RIMBP2: variants seen among roughly 807,000 people sequenced by gnomAD.
The protein encoded by RIMBP2 is RIMS-binding protein 2.
A neutral mutation model predicts 118.6 loss-of-function variants in RIMBP2; 48 were observed. The observed-to-expected ratio is 0.40, with a 90% CI of 0.32 to 0.51. The LOEUF is 0.51. Ranked by LOEUF, RIMBP2 falls within the 20% of genes least tolerant of loss-of-function variation. The pLI is 0.41. For missense variants in RIMBP2, 1,551 were observed against 1,768.3 expected, an observed-to-expected ratio of 0.88 and a Z score of 2.20; for synonymous variants, 762 against 742.9, an observed-to-expected ratio of 1.03 and a Z score of -0.42.
At position 130,428,213 on chromosome 12, in the gene RIMBP2, C is replaced by G; in HGVS notation, c.2378G>C (p.Arg793Thr). Reference protein sequence around the residue: ...SEMQLEDGGRRRPSGTSHNAL... With the variant: ...SEMQLEDGGRTRPSGTSHNAL... ...ATTGTGGGACGTGCCGCTGGGCCGC[C>G]TCCTTCCCCCATCTTCCAGCTGCAT... The change falls in exon 15 of 23, where the codon AGG (arginine) becomes ACG (threonine). Residue 793 changes from arginine (R) to threonine (T), a missense_variant. Arg to Thr is a moderately conservative substitution (Grantham distance 71). Coordinates refer to ENST00000690449, the MANE Select transcript of RIMBP2 (RefSeq NM_001393629.1). 4 of 1,613,156 alleles carry G rather than the reference C, an allele frequency of 2.5e-6. No individual in the cohort carries two copies. The highest frequency in any genetic ancestry group is 1.3e-5 in the African/African-American group (1 of 75,024).
chr12:130,457,646 C>T (rs186854518), intron 6 of RIMBP2, among the ~76,000 whole-genome samples: 4 of 152,366 alleles, frequency 2.6e-5, no homozygotes, highest in African/African-American at 7.2e-5. Context: ...GCTGACCGCC[C>T]CCCGGCACTG....
chr12:130,457,798 G>A (rs1166622652), intron 6 of RIMBP2, among the ~76,000 whole-genome samples: 5 of 152,224 alleles, frequency 3.3e-5, no homozygotes, highest in Admixed American at 3.3e-4. Context: ...AGCGTTTGCT[G>A]AATCAGTGAA....
In RIMBP2 at chr12:130,620,917, C is replaced by T. The variant is rs541464489; in HGVS notation, c.-217+7405G>A. ...CACCCCACCCAGCAGTGGTGAGCACCTGGAACCTGCAGACCTGGACTCCGG... is the reference window on the plus strand; with the variant it reads ...CACCCCACCCAGCAGTGGTGAGCACTTGGAACCTGCAGACCTGGACTCCGG... On this transcript the variant is annotated intron_variant, in intron 2 of 22. Coordinates refer to ENST00000690449, the MANE Select transcript of RIMBP2 (RefSeq NM_001393629.1). The surrounding 1 kb of genome is among the most constrained non-coding windows in gnomAD (Gnocchi z 5.3). Among the ~76,000 whole-genome samples the T allele has an allele frequency of 6.6e-6, 1 of 152,274 alleles. No individual in the cohort carries two copies. The highest frequency in any genetic ancestry group is 1.9e-4 in the East Asian group (1 of 5,166).
In RIMBP2 at chr12:130,478,927, A is replaced by G. The variant is rs767752780; in HGVS notation, c.87T>C (p.Ile29=). 8.7e-6 allele frequency: 14 copies of G among 1,613,226 alleles called. No individual in the cohort carries two copies. Among genetic ancestry groups the G allele is most frequent in the Non-Finnish European group, 1.1e-5 (13 of 1,179,716 alleles). ...CGCCGCTTACCTTCTGCAGAAGGTC[A>G]ATTTCCTGCTGCTTGGCACTGAGAA... The part of the protein sequence containing the change: ...LAVLSAKQQE[I]DLLQKAQVEA... Residue 29 remains isoleucine, a synonymous_variant, in exon 5 of 23, where the codon ATT becomes ATC. Transcript: ENST00000690449.
At chr12:130,508,600 A>G (rs1332328797) in intron 3 of RIMBP2, among the ~76,000 whole-genome samples, 1 of 150,586 alleles carries the variant, frequency 6.6e-6, no homozygotes, top group African/African-American at 2.4e-5. Flanking sequence ...CCTTGCCTTC[A>G]CCCCCTGCCT....
chr12:130,474,004 A>G (rs902845159), intron 5 of RIMBP2, among the ~76,000 whole-genome samples: 2 of 152,238 alleles, frequency 1.3e-5, no homozygotes, highest in African/African-American at 4.8e-5. Context: ...AATTATAAAT[A>G]CGGAAAAGCC....
At chr12:130,561,071 C>G (rs2056783248) in intron 2 of RIMBP2, among the ~76,000 whole-genome samples, 2 of 152,176 alleles carry the variant, frequency 1.3e-5, no homozygotes, top group South Asian at 4.1e-4. Context: ...AAGCAGAGAT[C>G]AGGGTGATGC....
chr12:130,646,431 C>CAT (rs2062969485), intron 1 of RIMBP2, among the ~76,000 whole-genome samples: 1 of 121,798 alleles, frequency 8.2e-6, no homozygotes, highest in Non-Finnish European at 1.9e-5. Context: ...ACTTCCCTCT[C>CAT]CACCTCCCTT....
At chr12:130,400,643 T>C (rs2074444959) in intron 21 of RIMBP2, among the ~76,000 whole-genome samples, 1 of 152,190 alleles carries the variant, frequency 6.6e-6, no homozygotes, top group Non-Finnish European at 1.5e-5. Flanking sequence ...ATAAAGAGCC[T>C]ACTACATCAA....
In RIMBP2 at chr12:130,628,347, G is replaced by C. The variant is rs1487249379; in HGVS notation, c.-242C>G. ...CACAAAGTTTCTCTGCTGAGTTCCT[G>C]GTCTCAGGAGAGGAAGTGGGAAATT... On this transcript the variant is annotated 5_prime_UTR_variant, in exon 2 of 23. Coordinates refer to ENST00000690449, the MANE Select transcript of RIMBP2 (RefSeq NM_001393629.1). 6.6e-6 allele frequency: 1 copy of C among 152,346 alleles called. No individual in the cohort carries two copies. The highest frequency in any genetic ancestry group is 2.1e-4 in the South Asian group (1 of 4,826). 9.4% of individuals were successfully genotyped at this position (152,346 alleles called of 1,614,324 possible). A position where few individuals can be genotyped will look rare whatever the true frequency, so the allele number is the denominator to read the frequency against.
Position 130,399,830 on chromosome 12 carries a change from G to A in RIMBP2, c.3766-17C>T, listed in dbSNP as rs369912606. 4 of 1,613,352 alleles carry A rather than the reference G, an allele frequency of 2.5e-6. No homozygotes were observed. Among genetic ancestry groups the A allele is most frequent in the Non-Finnish European group, 2.5e-6 (3 of 1,179,646 alleles). The stretch of plus-strand genomic sequence containing the variant: ...CAGCTCCCCCTAAAACACCAGGGGT[G>A]AGGCAGAAGAACTATTTATTTTTCT... On this transcript the variant is annotated splice_polypyrimidine_tract_variant and intron_variant, in intron 21 of 22. Coordinates refer to ENST00000690449, the MANE Select transcript of RIMBP2 (RefSeq NM_001393629.1).
rs879847751 is a variant in RIMBP2, at chr12:130,419,084, T to C, written c.3238+3369A>G. Reference sequence around the variant, plus strand: ...TCTTCCAGAGAGGATGCACTGGATGTGTTATGAGCACCAAACCTCGACAGG... The same window carrying C: ...TCTTCCAGAGAGGATGCACTGGATGCGTTATGAGCACCAAACCTCGACAGG... On this transcript the variant is annotated intron_variant, in intron 17 of 22. Coordinates refer to ENST00000690449, the MANE Select transcript of RIMBP2 (RefSeq NM_001393629.1). The surrounding 1 kb of genome is among the most constrained non-coding windows in gnomAD (Gnocchi z 4.3). Among the ~76,000 whole-genome samples the C allele has an allele frequency of 9.2e-4, 140 of 152,320 alleles. 4 individuals carry two copies. The highest frequency in any genetic ancestry group is 6.8e-3 in the Middle Eastern group (2 of 294).
At chr12:130,705,199 G>A (rs1476213127) in intron 1 of RIMBP2, among the ~76,000 whole-genome samples, 1 of 152,154 alleles carries the variant, frequency 6.6e-6, no homozygotes, top group Non-Finnish European at 1.5e-5. Flanking sequence ...AATGACACTG[G>A]AGGATGCATG....
intron 5 of RIMBP2, among the ~76,000 whole-genome samples, chr12:130,474,742 G>A (rs2081291547): frequency 6.6e-6 from 1 of 152,172 alleles, no homozygotes; most frequent in African/African-American, 2.4e-5. Context: ...AGCATGGGGA[G>A]CGGGAGGAGT....
At chr12:130,448,659 G>A (rs1039411588) in intron 9 of RIMBP2, among the ~76,000 whole-genome samples, 8 of 152,244 alleles carry the variant, frequency 5.3e-5, no homozygotes, top group Admixed American at 2.6e-4. Flanking sequence ...GGCCCTGTGC[G>A]TCTGCATGCA....
intron 2 of RIMBP2, among the ~76,000 whole-genome samples, chr12:130,602,993 T>C (rs1245237120): frequency 6.6e-6 from 1 of 152,178 alleles, no homozygotes; most frequent in East Asian, 1.9e-4. Context: ...CACTGGTCAG[T>C]GAAGCAATAC....
At chr12:130,495,633 C>G (rs2049076154) in intron 4 of RIMBP2, among the ~76,000 whole-genome samples, 1 of 152,214 alleles carries the variant, frequency 6.6e-6, no homozygotes, top group South Asian at 2.1e-4. Flanking sequence ...CCTCGTTTTA[C>G]TCCAAGCATC....
rs557732020 is a variant in RIMBP2, at chr12:130,688,363, GGAACACTCTA to G, written c.-352+27849_-352+27858del. 1.3e-5 allele frequency among the ~76,000 whole-genome samples: 2 copies of G among 152,178 alleles called. No homozygotes were observed. Among genetic ancestry groups the G allele is most frequent in the African/African-American group, 4.8e-5 (2 of 41,456 alleles). On this transcript the variant is annotated intron_variant, in intron 1 of 22. Transcript: ENST00000690449. The surrounding 1 kb of genome is among the most constrained non-coding windows in gnomAD (Gnocchi z 4.7). Reference sequence around the variant, plus strand: ...TTGCTCCCGGTCTCAGGGAGCCACAGGAACACTCTAGAACACTCTGGAACACTCTGGGGCC... The same window carrying G: ...TTGCTCCCGGTCTCAGGGAGCCACAGGAACACTCTGGAACACTCTGGGGCC...
At chr12:130,460,824 G>A (rs1475253203) in intron 6 of RIMBP2, among the ~76,000 whole-genome samples, 1 of 152,140 alleles carries the variant, frequency 6.6e-6, no homozygotes, top group Non-Finnish European at 1.5e-5. Flanking sequence ...GGAGCAGGAG[G>A]CCCACGGGCA....
Sources: gnomAD v4.1 joint callset for allele counts (sites outside exome capture counted in the v4.1 genomes callset) on GRCh38, gnomAD v4.1.1 for gene constraint, Gnocchi (gnomAD v3.1) non-coding constraint, MANE v1.5 for transcripts, NCBI Gene and HGNC (gene_info 2026-07-23, HGNC 2026-07-21) for gene names.